Variants in DRC5 observed in about 807,000 individuals in gnomAD.
DRC5 encodes T-complex-associated testis-expressed protein 1.
the DRC5 span, chr6:44,287,449 C>T: frequency 7.8e-7 from 1 of 1,276,326 alleles, no homozygotes; most frequent in East Asian, 2.4e-5. Context: ...CAGGGGCTGC[C>T]CCAGGACCCA....
the DRC5 span, chr6:44,287,492 C>G: frequency 7.8e-6 from 12 of 1,538,262 alleles, no homozygotes; most frequent in African/African-American, 1.4e-5. Context: ...ACAGTCCCCA[C>G]CCACCTAGCC....
the DRC5 span, among the ~76,000 whole-genome samples, chr6:44,294,792 AAG>A: frequency 0.02 from 2,855 of 144,778 alleles, 44 homozygotes; most frequent in Non-Finnish European, 0.033. Context: ...AAAAAAAAAA[AAG>A]AAAGAAAGAA....
the DRC5 span, chr6:44,285,848 GGC>G: frequency 9.8e-7 from 1 of 1,020,914 alleles, no homozygotes; most frequent in Non-Finnish European, 1.4e-6. Context: ...AAAAACACTT[GGC>G]CAATGAAAGA....
chr6:44,289,973 T>C, the DRC5 span, among the ~76,000 whole-genome samples: 1 of 152,144 alleles, frequency 6.6e-6, no homozygotes, highest in African/African-American at 2.4e-5. Context: ...AGGGACCAGA[T>C]GGTGCTTCCC....
the DRC5 span, among the ~76,000 whole-genome samples, chr6:44,288,993 C>CAAAAAAAAAAAAA: frequency 2.1e-4 from 7 of 32,818 alleles, no homozygotes; most frequent in African/African-American, 4.9e-4. Context: ...GACTCTGTCT[C>CAAAAAAAAAAAAA]AAAAAAAAAA....
the DRC5 span, among the ~76,000 whole-genome samples, chr6:44,290,261 T>A: frequency 6.6e-6 from 1 of 152,214 alleles, no homozygotes; most frequent in Non-Finnish European, 1.5e-5. Context: ...CTTGGCCAAG[T>A]TACTTAACCT....
the DRC5 span, chr6:44,280,493 C>A: frequency 4.7e-5 from 37 of 790,214 alleles, no homozygotes; most frequent in East Asian, 9.4e-4. Context: ...AAAAGTTTCA[C>A]AAAACAATAC....
chr6:44,283,790 C>T, the DRC5 span, among the ~76,000 whole-genome samples: 1 of 152,244 alleles, frequency 6.6e-6, no homozygotes, highest in Non-Finnish European at 1.5e-5. Context: ...AAAATACCCT[C>T]TTATAATCTA....
At chr6:44,281,736 A>C in the DRC5 span, among the ~76,000 whole-genome samples, 8 of 152,246 alleles carry the variant, frequency 5.3e-5, no homozygotes, top group Admixed American at 2.0e-4. Flanking sequence ...TTAGAGACAC[A>C]GTCTATTAGA....
chr6:44,293,633 A>G, the DRC5 span, among the ~76,000 whole-genome samples: 1 of 151,772 alleles, frequency 6.6e-6, no homozygotes, highest in East Asian at 1.9e-4. Context: ...ACAATACACT[A>G]CCCCTCCACA....
At chr6:44,291,753 T>C in the DRC5 span, among the ~76,000 whole-genome samples, 1 of 152,140 alleles carries the variant, frequency 6.6e-6, no homozygotes. Flanking sequence ...GTTACCAGGA[T>C]GGTGAGGCTA....
the DRC5 span, among the ~76,000 whole-genome samples, chr6:44,289,633 C>T: frequency 2.0e-4 from 31 of 152,320 alleles, no homozygotes; most frequent in Admixed American, 1.2e-3. Context: ...TTCCATCTCC[C>T]CATCCAGTCT....
chr6:44,285,049 C>T, the DRC5 span, among the ~76,000 whole-genome samples: 1 of 152,250 alleles, frequency 6.6e-6, no homozygotes, highest in South Asian at 2.1e-4. Flanking sequence ...GCGCCAGCCA[C>T]ACAGTCTTCT....
the DRC5 span, chr6:44,286,368 C>T: frequency 6.2e-7 from 1 of 1,613,948 alleles, no homozygotes; most frequent in African/African-American, 1.3e-5. Flanking sequence ...CAGCTGCCGC[C>T]ATGGTGGGCC....
the DRC5 span, chr6:44,287,480 G>T: frequency 6.7e-7 from 1 of 1,500,934 alleles, no homozygotes; most frequent in Non-Finnish European, 9.1e-7. Context: ...TCTTGGCTCC[G>T]GACAGTCCCC....
chr6:44,289,661 C>A, the DRC5 span, among the ~76,000 whole-genome samples: 10 of 152,302 alleles, frequency 6.6e-5, no homozygotes, highest in Admixed American at 6.5e-4. Flanking sequence ...GCTCTCCCAG[C>A]CTCCCAGCAT....
chr6:44,283,837 T>G, the DRC5 span, among the ~76,000 whole-genome samples: 2 of 152,224 alleles, frequency 1.3e-5, no homozygotes, highest in South Asian at 2.1e-4. Context: ...CTCCTCAGAA[T>G]TCAGGGGCCT....
the DRC5 span, among the ~76,000 whole-genome samples, chr6:44,280,570 C>A: frequency 6.6e-6 from 1 of 152,176 alleles, no homozygotes; most frequent in Admixed American, 6.5e-5. Flanking sequence ...TAGCCAATAC[C>A]CACTAAATTG....
chr6:44,281,088 G>T, the DRC5 span, among the ~76,000 whole-genome samples: 1 of 152,164 alleles, frequency 6.6e-6, no homozygotes, highest in African/African-American at 2.4e-5. Context: ...GGTGAGCAAG[G>T]CTGTTCTCAT....
Sources: allele counts gnomAD v4.1 joint callset (sites outside exome capture counted in the v4.1 genomes callset), GRCh38; gene constraint gnomAD v4.1.1; transcripts MANE v1.5; gene names NCBI Gene and HGNC (gene_info 2026-07-23, HGNC 2026-07-21).